The following AGBL1 variants were observed in gnomAD, a reference collection of about 807,000 sequenced individuals.
The protein encoded by AGBL1 is cytosolic carboxypeptidase 4.
A neutral mutation model predicts 118.9 loss-of-function variants in AGBL1; 130 were observed. The observed-to-expected ratio is 1.09, with a 90% CI of 0.95 to 1.26. AGBL1 has a LOEUF of 1.26. AGBL1 is among the 50% of genes most tolerant of loss of function. The pLI, the probability that AGBL1 is intolerant of heterozygous loss-of-function variation, is 0.00. For synonymous variants in AGBL1, 555 were observed against 478.9 expected, an observed-to-expected ratio of 1.16 and a Z score of -2.08; for missense variants, 1,584 against 1,298.1, an observed-to-expected ratio of 1.22 and a Z score of -3.38.
At chr15:86,535,957 C>A (rs1233355913) in intron 19 of AGBL1, among the ~76,000 whole-genome samples, 1 of 152,064 alleles carries the variant, frequency 6.6e-6, no homozygotes, top group Non-Finnish European at 1.5e-5. Flanking sequence ...TAGAATTTCC[C>A]TTTTTTTACA....
intron 18 of AGBL1, among the ~76,000 whole-genome samples, chr15:86,443,048 G>T (rs2082083051): frequency 6.6e-6 from 1 of 152,156 alleles, no homozygotes; most frequent in South Asian, 2.1e-4. Context: ...TCTCTCCCCG[G>T]ATACTGTATT....
chr15:86,589,130 T>TAGAAC (rs2084297700), intron 21 of AGBL1, among the ~76,000 whole-genome samples: 1 of 152,154 alleles, frequency 6.6e-6, no homozygotes, highest in Admixed American at 6.5e-5. Context: ...GGTATCATTT[T>TAGAAC]AGAACAGAAT....
chr15:86,872,380 C>A (rs544118176), intron 22 of AGBL1, among the ~76,000 whole-genome samples: 18 of 152,294 alleles, frequency 1.2e-4, no homozygotes, highest in Non-Finnish European at 2.6e-4. Context: ...AGTTTTCCTC[C>A]TTCATAAATT....
intron 21 of AGBL1, among the ~76,000 whole-genome samples, chr15:86,572,769 C>A (rs987146358): frequency 3.3e-5 from 5 of 152,230 alleles, no homozygotes; most frequent in Non-Finnish European, 7.3e-5. Context: ...CTTCAGCCAG[C>A]ATGATGGCAG....
intron 21 of AGBL1, among the ~76,000 whole-genome samples, chr15:86,601,703 T>G (rs1053255710): frequency 2.0e-5 from 3 of 152,240 alleles, no homozygotes; most frequent in African/African-American, 7.2e-5. Context: ...TTAACTGGTG[T>G]TTTAGGCAGA....
In AGBL1 at chr15:86,584,655, C is replaced by G. The variant is rs181583501; in HGVS notation, c.2994+30118C>G. ...GTTCTTCTTGCTTAGGATTGCTTGG[C>G]TATTTGAGCTCTTTCTTGGTTCCAT... On this transcript the variant is annotated intron_variant, in intron 21 of 22. Transcript: ENST00000614907. Among the ~76,000 whole-genome samples the G allele has an allele frequency of 5.4e-3, 827 of 152,140 alleles. 9 individuals are homozygous for G. Among genetic ancestry groups the G allele is most frequent in the African/African-American group, 0.019 (786 of 41,518 alleles).
intron 22 of AGBL1, among the ~76,000 whole-genome samples, chr15:86,734,619 CT>C (rs1237244328): frequency 6.6e-6 from 1 of 152,126 alleles, no homozygotes; most frequent in African/African-American, 2.4e-5. Context: ...CGGCCAACTC[CT>C]ATGCTGTGGA....
At chr15:86,289,452 A>G (rs2079510075) in intron 16 of AGBL1, among the ~76,000 whole-genome samples, 1 of 152,210 alleles carries the variant, frequency 6.6e-6, no homozygotes, top group Non-Finnish European at 1.5e-5. Context: ...TTCCTACATA[A>G]CAGATGCTCT....
At chr15:86,156,777 TC>T (rs2077197111) in intron 4 of AGBL1, among the ~76,000 whole-genome samples, 1 of 81,352 alleles carries the variant, frequency 1.2e-5, no homozygotes, top group South Asian at 3.6e-4. Context: ...TTCTTTTCTT[TC>T]TTTTTTCTTT....
intron 24 of AGBL1, among the ~76,000 whole-genome samples, chr15:87,017,912 A>G (rs1291371026): frequency 1.3e-5 from 2 of 152,186 alleles, no homozygotes; most frequent in Admixed American, 6.6e-5. Context: ...AAAACAATAC[A>G]AAAGCTGATA....
intron 22 of AGBL1, among the ~76,000 whole-genome samples, chr15:86,795,544 C>T (rs967315054): frequency 1.3e-5 from 2 of 151,538 alleles, no homozygotes; most frequent in Non-Finnish European, 2.9e-5. Context: ...TCATCCAGCC[C>T]CTCAGCACAG....
At chr15:86,630,701 G>A (rs1330109470) in intron 21 of AGBL1, 3 of 152,206 alleles carry the variant, frequency 2.0e-5, no homozygotes, top group Non-Finnish European at 4.4e-5. Context: ...CAAGAACAAA[G>A]TGAGCTCTGC....
intron 24 of AGBL1, among the ~76,000 whole-genome samples, chr15:87,006,903 G>A (rs151101221): frequency 6.6e-6 from 1 of 152,284 alleles, no homozygotes; most frequent in African/African-American, 2.4e-5. Context: ...CATGGGTCCT[G>A]TTTCATGGGT....
At chr15:86,139,557 G>A (rs142545373) in intron 1 of AGBL1, among the ~76,000 whole-genome samples, 4 of 151,760 alleles carry the variant, frequency 2.6e-5, no homozygotes, top group South Asian at 2.1e-4. Context: ...GCAGGAGATC[G>A]AGATCATCCT....
intron 1 of AGBL1, among the ~76,000 whole-genome samples, chr15:86,119,789 G>A (rs1897984595): frequency 6.6e-6 from 1 of 152,162 alleles, no homozygotes; most frequent in African/African-American, 2.4e-5. Flanking sequence ...GGTCCTAGTA[G>A]CTGCATAGTT....
intron 22 of AGBL1, among the ~76,000 whole-genome samples, chr15:86,760,223 G>A (rs2078004378): frequency 6.6e-6 from 1 of 152,036 alleles, no homozygotes. Context: ...AGAAGCAGGG[G>A]CAGACTACCT....
chr15:86,226,547 A>G (rs1167472175), intron 6 of AGBL1, among the ~76,000 whole-genome samples: 2 of 152,140 alleles, frequency 1.3e-5, no homozygotes, highest in African/African-American at 2.4e-5. Context: ...ACCTACCTAG[A>G]TGTGTAAAAC....
intron 21 of AGBL1, among the ~76,000 whole-genome samples, chr15:86,656,798 C>G (rs1223597193): frequency 1.3e-5 from 2 of 152,124 alleles, no homozygotes; most frequent in Non-Finnish European, 2.9e-5. Context: ...CTCAGTGGCT[C>G]TTTTGCCTCC....
At chr15:86,707,740 AC>A in intron 22 of AGBL1, among the ~76,000 whole-genome samples, 1 of 152,288 alleles carries the variant, frequency 6.6e-6, no homozygotes, top group East Asian at 1.9e-4. Context: ...TTCTTCCATG[AC>A]AAAAACTGTT....
Sources: gnomAD v4.1 joint callset for allele counts (sites outside exome capture counted in the v4.1 genomes callset) on GRCh38, gnomAD v4.1.1 for gene constraint, MANE v1.5 for transcripts, NCBI Gene and HGNC (gene_info 2026-07-23, HGNC 2026-07-21) for gene names.